ADGRA2: variants seen among roughly 807,000 people sequenced by gnomAD.
ADGRA2 encodes adhesion G protein-coupled receptor A2.
Under a neutral mutation model 98.7 loss-of-function variants are expected in ADGRA2, and 61 were observed. The observed-to-expected ratio is 0.62, with a 90% CI of 0.50 to 0.76. The LOEUF (loss-of-function observed/expected upper bound fraction) is 0.76. ADGRA2 is among the 30% of genes least tolerant of loss of function. ADGRA2 has a pLI of 0.00. For synonymous variants in ADGRA2, 858 were observed against 831.5 expected (o/e 1.03, Z -0.55); for missense variants, 1,712 against 1,860.0 (o/e 0.92, Z 1.46).
chr8:37,810,109 A>T (rs1341272350), intron 1 of ADGRA2, among the ~76,000 whole-genome samples: 2 of 152,166 alleles, frequency 1.3e-5, no homozygotes, highest in Admixed American at 6.6e-5. Context: ...TCTCATTAAT[A>T]ATTTTATATT....
At chr8:37,832,821 A>G (rs1405641009) in intron 8 of ADGRA2, among the ~76,000 whole-genome samples, 189 bp from the exon 9 acceptor site, 1 of 152,146 alleles carries the variant, frequency 6.6e-6, no homozygotes, top group Non-Finnish European at 1.5e-5. Context: ...CCAGCCCCCT[A>G]TCGCCTGTGA....
At chr8:37,839,431 T>C in intron 15 of ADGRA2, 68 bp from the exon 16 acceptor site, 1 of 1,594,996 alleles carries the variant, frequency 6.3e-7, no homozygotes, top group Non-Finnish European at 8.6e-7. Context: ...GCTCTCCCAG[T>C]GGCCTTGAGA....
chr8:37,838,982 G>C lies in ADGRA2; in HGVS notation c.2286G>C (p.Val762=), dbSNP rs1429334892. The C allele has an allele frequency of 6.3e-7, 1 of 1,575,490 alleles. No homozygotes were observed. Among genetic ancestry groups the C allele is most frequent in the African/African-American group, 1.4e-5 (1 of 73,864 alleles). The change falls in exon 15 of 19, where the codon GTG becomes GTC. Residue 762 remains valine, a synonymous_variant. Transcript: ENST00000412232. ...LMELSAFPRE[V]GGAGAGLHPV... is the part of the protein sequence containing the mutation. ...AGCTGAGCGCCTTTCCCAGGGAGGT[G>C]GGGGGCGCCGGGGCAGGGCTGCACC...
chr8:37,812,318 A>G (rs1718549704), intron 1 of ADGRA2, among the ~76,000 whole-genome samples: 1 of 152,014 alleles, frequency 6.6e-6, no homozygotes, highest in South Asian at 2.1e-4. Context: ...TCAAACTGAG[A>G]TCTCAGGTTT....
chr8:37,832,815 C>T (rs1451900949), intron 8 of ADGRA2, among the ~76,000 whole-genome samples, 195 bp from the exon 9 acceptor site: 5 of 152,170 alleles, frequency 3.3e-5, no homozygotes, highest in Admixed American at 3.3e-4. Flanking sequence ...TGAAGTCCAG[C>T]CCCCTATCGC....
At position 37,842,703 on chromosome 8, in the gene ADGRA2, G is replaced by A. The variant is rs1805846260; in HGVS notation, c.*348G>A. The A allele has an allele frequency of 4.3e-6, 1 of 230,524 alleles. No individual in the cohort carries two copies. Among genetic ancestry groups the A allele is most frequent in the East Asian group, 8.9e-5 (1 of 11,270 alleles). The allele number at this position is 230,524 out of a possible 1,614,324, so 14.3% of individuals were successfully genotyped here. A position where few individuals can be genotyped will look rare whatever the true frequency, so the allele number is the denominator to read the frequency against. ...CGCCTACTGTCCATGCGGCCTCACT[G>A]GGGGCCATCAGCCTCACCAGCAAAG... On this transcript the variant is annotated 3_prime_UTR_variant, in exon 19 of 19. Coordinates refer to ENST00000412232, the MANE Select transcript of ADGRA2 (RefSeq NM_032777.10).
rs985602161 is a variant in ADGRA2, at chr8:37,834,957, G to T, written c.1609-217G>T. On this transcript the variant is annotated intron_variant, in intron 11 of 18. Coordinates refer to ENST00000412232, the MANE Select transcript of ADGRA2 (RefSeq NM_032777.10). This position sits in a 1 kb window ranked among gnomAD's most constrained non-coding sequence, Gnocchi z 4.2. ...GGAGGATTACTTGAGCCCAGGATTTGTAGGCTGCAGTGAGCTGGTTGTGAT... is the reference window on the plus strand; with the variant it reads ...GGAGGATTACTTGAGCCCAGGATTTTTAGGCTGCAGTGAGCTGGTTGTGAT... Among the ~76,000 whole-genome samples, 2 of 151,892 alleles carry T rather than the reference G, an allele frequency of 1.3e-5. No individual in the cohort carries two copies. The highest frequency in any genetic ancestry group is 2.9e-5 in the Non-Finnish European group (2 of 67,944).
chr8:37,810,536 C>T (rs1197153894), intron 1 of ADGRA2, among the ~76,000 whole-genome samples: 2 of 151,984 alleles, frequency 1.3e-5, no homozygotes, highest in Admixed American at 6.6e-5. Context: ...AACAGGGTCT[C>T]GCTCAGGCTG....
chr8:37,825,696 A>G (rs1433148289), intron 2 of ADGRA2, among the ~76,000 whole-genome samples: 2 of 152,178 alleles, frequency 1.3e-5, no homozygotes, highest in African/African-American at 4.8e-5. Context: ...CAACCAATCT[A>G]TAGGAGACCT....
chr8:37,804,242 C>T (rs1585964773), intron 1 of ADGRA2, among the ~76,000 whole-genome samples: 1 of 152,106 alleles, frequency 6.6e-6, no homozygotes, highest in Admixed American at 6.6e-5. Context: ...AACCTAGAGA[C>T]AAAGCCACCA....
At position 37,833,823 on chromosome 8, in the gene ADGRA2, G is replaced by T. The variant is rs770196512; in HGVS notation, c.1432G>T (p.Asp478Tyr). 3 of 1,614,112 alleles carry T rather than the reference G, an allele frequency of 1.9e-6. No individual in the cohort carries two copies. Among genetic ancestry groups the T allele is most frequent in the Non-Finnish European group, 2.5e-6 (3 of 1,180,010 alleles). ...QMIQKFLGYV[D>Y]QIKELVEVMV... ...GATCCAGAAATTTTTGGGTTATGTCGACCAGATCAAAGAGGTGAGACTCAG... is the reference window on the plus strand; with the variant it reads ...GATCCAGAAATTTTTGGGTTATGTCTACCAGATCAAAGAGGTGAGACTCAG... The change falls in exon 10 of 19, where the codon GAC (aspartate) becomes TAC (tyrosine). Residue 478 changes from aspartate to tyrosine, a missense_variant. Transcript: ENST00000412232.
In ADGRA2 at chr8:37,842,557, A is replaced by G; in HGVS notation, c.*202A>G. ...AGACAATCCCAGAAACACGCATAAT[A>G]CATTTCCGTCCAGCCCGGGGCAGTC... On this transcript the variant is annotated 3_prime_UTR_variant, in exon 19 of 19. Coordinates refer to ENST00000412232, the MANE Select transcript of ADGRA2 (RefSeq NM_032777.10). 1.1e-6 allele frequency: 1 copy of G among 885,226 alleles called. No individual in the cohort carries two copies. The highest frequency in any genetic ancestry group is 1.6e-6 in the Non-Finnish European group (1 of 645,036). The allele number at this position is 885,226 out of a possible 1,614,324, so 54.8% of individuals were successfully genotyped here.
At chr8:37,816,146 G>C (rs993289583) in intron 2 of ADGRA2, among the ~76,000 whole-genome samples, 3 of 152,140 alleles carry the variant, frequency 2.0e-5, no homozygotes, top group African/African-American at 7.2e-5. Flanking sequence ...AGTATATTGG[G>C]GTCTGGGCGT....
At chr8:37,832,254 T>C (rs1330156904) in intron 8 of ADGRA2, among the ~76,000 whole-genome samples, 1 of 152,160 alleles carries the variant, frequency 6.6e-6, no homozygotes, top group Non-Finnish European at 1.5e-5. Flanking sequence ...GGTTTCACCA[T>C]GTTGGCCAGG....
rs150892626 is a variant in ADGRA2, at chr8:37,816,553, C to A, written c.338+1586C>A. On this transcript the variant is annotated intron_variant, in intron 2 of 18. Coordinates refer to ENST00000412232, the MANE Select transcript of ADGRA2 (RefSeq NM_032777.10). ...GTTGCAGTAAGCTGAGATTGCGCCA[C>A]TGCACTCCAGCCTGTGTGACAGAGC... is the stretch of plus-strand genomic sequence containing the variant. Among the ~76,000 whole-genome samples, 1,459 of 151,848 alleles carry A rather than the reference C, an allele frequency of 9.6e-3. 21 individuals are homozygous for A. Among genetic ancestry groups the A allele is most frequent in the African/African-American group, 0.033 (1,373 of 41,362 alleles).
intron 2 of ADGRA2, among the ~76,000 whole-genome samples, chr8:37,827,277 G>T (rs1805308704): frequency 1.3e-5 from 2 of 152,260 alleles, no homozygotes; most frequent in African/African-American, 4.8e-5. Flanking sequence ...AGGGCACAGA[G>T]GACAGGGTGA....
In ADGRA2 at chr8:37,837,155, C is replaced by G. The variant is rs569005892; in HGVS notation, c.2051-576C>G. 3.3e-5 allele frequency among the ~76,000 whole-genome samples: 5 copies of G among 152,328 alleles called. No individual in the cohort carries two copies. In the South Asian group the frequency reaches 1.0e-3, roughly 32 times the overall value. ...ACCACCCAACCTAGCTGGAGGCCAG[C>G]GAGGCCTTTCCCGAAAACCACTAAG... On this transcript the variant is annotated intron_variant, in intron 13 of 18. Transcript: ENST00000412232.
chr8:37,839,126 G>A, intron 15 of ADGRA2, 43 bp downstream of exon 15: 1 of 1,608,990 alleles, frequency 6.2e-7, no homozygotes, highest in Non-Finnish European at 8.5e-7. Context: ...GGCAGGCATG[G>A]AAGGGGCCCC....
intron 7 of ADGRA2, 127 bp from the exon 8 acceptor site, chr8:37,831,296 T>C: frequency 2.4e-6 from 2 of 823,668 alleles, no homozygotes; most frequent in Non-Finnish European, 3.9e-6. Flanking sequence ...AAGGAGTGCA[T>C]ACTTGCATCC....
Sources: allele counts gnomAD v4.1 joint callset (sites outside exome capture counted in the v4.1 genomes callset), GRCh38; gene constraint gnomAD v4.1.1; non-coding constraint Gnocchi (gnomAD v3.1); transcripts MANE v1.5; gene names NCBI Gene and HGNC (gene_info 2026-07-23, HGNC 2026-07-21).